Variants in PPP2R5E observed in about 807,000 individuals in gnomAD.
PPP2R5E encodes the protein serine/threonine-protein phosphatase 2A 56 kDa regulatory subunit epsilon isoform.
Under a neutral mutation model 65.3 loss-of-function variants are expected in PPP2R5E, and 4 were observed. That is an observed-to-expected ratio of 0.06 (90% CI 0.03 to 0.14). The LOEUF is 0.14. PPP2R5E is among the 10% of genes least tolerant of loss of function. PPP2R5E has a pLI of 1.00. For synonymous variants in PPP2R5E, 183 were observed against 187.4 expected, an observed-to-expected ratio of 0.98 and a Z score of 0.19; for missense variants, 274 against 556.1, an observed-to-expected ratio of 0.49 and a Z score of 5.10.
intron 5 of PPP2R5E, among the ~76,000 whole-genome samples, chr14:63,412,021 G>C (rs1316525567): frequency 6.6e-6 from 1 of 152,190 alleles, no homozygotes; most frequent in Non-Finnish European, 1.5e-5. Context: ...CAATGACTTA[G>C]ATGAGGCCGA....
intron 3 of PPP2R5E, among the ~76,000 whole-genome samples, chr14:63,436,895 C>A (rs1305025293): frequency 6.6e-6 from 1 of 152,202 alleles, no homozygotes; most frequent in Non-Finnish European, 1.5e-5. Context: ...TGAACAGGGG[C>A]TGGGTAAAAT....
At chr14:63,493,207 GTTGT>G (rs1485082417) in intron 2 of PPP2R5E, among the ~76,000 whole-genome samples, 1 of 150,522 alleles carries the variant, frequency 6.6e-6, no homozygotes, top group African/African-American at 2.5e-5. Flanking sequence ...GGTTTGGTGG[GTTGT>G]TTTTTTTTTT....
chr14:63,401,167 A>T (rs963233756), intron 5 of PPP2R5E, among the ~76,000 whole-genome samples: 1 of 152,188 alleles, frequency 6.6e-6, no homozygotes, highest in African/African-American at 2.4e-5. Flanking sequence ...TGTAGAGAAC[A>T]TGCTTTTGAT....
At chr14:63,468,696 T>C (rs201111986) in intron 2 of PPP2R5E, among the ~76,000 whole-genome samples, 4 of 147,006 alleles carry the variant, frequency 2.7e-5, no homozygotes, top group Non-Finnish European at 6.0e-5. Flanking sequence ...AGGAAATAAA[T>C]AAACAAGCAA....
At chr14:63,521,232 G>C (rs1256796308) in intron 2 of PPP2R5E, among the ~76,000 whole-genome samples, 2 of 150,546 alleles carry the variant, frequency 1.3e-5, no homozygotes, top group East Asian at 1.9e-4. Context: ...AAAATGTTAA[G>C]ACATAAATCT....
intron 5 of PPP2R5E, among the ~76,000 whole-genome samples, chr14:63,406,873 T>C (rs373349479): frequency 9.2e-5 from 14 of 152,354 alleles, no homozygotes; most frequent in African/African-American, 3.4e-4. Flanking sequence ...CAATGATTTT[T>C]AGAATAAGAG....
chr14:63,400,733 CTT>C (rs1159444924), intron 5 of PPP2R5E, among the ~76,000 whole-genome samples: 2 of 129,276 alleles, frequency 1.5e-5, no homozygotes, highest in Middle Eastern at 5.9e-3. Context: ...CTCAGTATCT[CTT>C]TATCTATAAC....
intron 3 of PPP2R5E, among the ~76,000 whole-genome samples, chr14:63,445,789 C>T (rs961451564): frequency 2.0e-5 from 3 of 150,690 alleles, no homozygotes; most frequent in East Asian, 1.9e-4. Context: ...TTGCAGTGAG[C>T]GGAGATTGTG....
At chr14:63,414,033 C>G (rs964880919) in intron 5 of PPP2R5E, among the ~76,000 whole-genome samples, 2 of 152,148 alleles carry the variant, frequency 1.3e-5, no homozygotes, top group Admixed American at 1.3e-4. Flanking sequence ...TCCACTTAGC[C>G]TTACTTAGGA....
intron 13 of PPP2R5E, among the ~76,000 whole-genome samples, chr14:63,377,304 G>C (rs987034989): frequency 4.6e-5 from 7 of 152,148 alleles, no homozygotes; most frequent in African/African-American, 1.7e-4. Flanking sequence ...TTCAGCCACA[G>C]TACAATTTCT....
chr14:63,400,880 C>A (rs1009192700), intron 5 of PPP2R5E, among the ~76,000 whole-genome samples: 1 of 151,946 alleles, frequency 6.6e-6, no homozygotes, highest in Admixed American at 6.6e-5. Context: ...TTAAGTGTTT[C>A]AAAAGGCTTT....
chr14:63,518,477 C>A (rs1300694288), intron 2 of PPP2R5E, among the ~76,000 whole-genome samples: 1 of 152,130 alleles, frequency 6.6e-6, no homozygotes, highest in East Asian at 1.9e-4. Context: ...CTCCTGGCCT[C>A]AAGAGATCCT....
intron 3 of PPP2R5E, among the ~76,000 whole-genome samples, chr14:63,444,251 T>C (rs1168992793): frequency 6.6e-6 from 1 of 152,236 alleles, no homozygotes; most frequent in Non-Finnish European, 1.5e-5. Flanking sequence ...TTGCATCACA[T>C]AATTCTCTTT....
intron 2 of PPP2R5E, among the ~76,000 whole-genome samples, chr14:63,462,089 T>C (rs1889507311): frequency 6.7e-6 from 1 of 148,306 alleles, no homozygotes; most frequent in Admixed American, 6.7e-5. Context: ...TTTTTTTTTT[T>C]AGACGGAGTC....
intron 2 of PPP2R5E, among the ~76,000 whole-genome samples, chr14:63,483,077 G>A (rs764744121): frequency 1.3e-5 from 2 of 152,158 alleles, no homozygotes; most frequent in African/African-American, 4.8e-5. Flanking sequence ...AGCTGAGGCA[G>A]GCAGATTGCT....
At chr14:63,540,129 T>TC (rs1461066953) in intron 1 of PPP2R5E, among the ~76,000 whole-genome samples, 4 of 125,784 alleles carry the variant, frequency 3.2e-5, no homozygotes, top group African/African-American at 1.2e-4. Flanking sequence ...ATTCCGTCCT[T>TC]TAAAAAAAAA....
At chr14:63,380,004 T>C (rs1884241551) in intron 13 of PPP2R5E, among the ~76,000 whole-genome samples, 1 of 151,688 alleles carries the variant, frequency 6.6e-6, no homozygotes, top group Non-Finnish European at 1.5e-5. Flanking sequence ...CTGGCTAATT[T>C]TCATACTTTT....
At chr14:63,503,484 T>G (rs1473338756) in intron 2 of PPP2R5E, among the ~76,000 whole-genome samples, 1 of 152,030 alleles carries the variant, frequency 6.6e-6, no homozygotes, top group Non-Finnish European at 1.5e-5. Flanking sequence ...AATCAACAAC[T>G]CCAACCAATT....
At chr14:63,436,847 C>T (rs1887973403) in intron 3 of PPP2R5E, among the ~76,000 whole-genome samples, 1 of 152,206 alleles carries the variant, frequency 6.6e-6, no homozygotes, top group Admixed American at 6.5e-5. Flanking sequence ...ATTGCTGAAA[C>T]AACTGTCAGA....
Sources: gnomAD v4.1 joint callset for allele counts (sites outside exome capture counted in the v4.1 genomes callset) on GRCh38, gnomAD v4.1.1 for gene constraint, MANE v1.5 for transcripts, NCBI Gene and HGNC (gene_info 2026-07-23, HGNC 2026-07-21) for gene names.